PARP14: variants seen among roughly 807,000 people sequenced by gnomAD.
The protein encoded by PARP14 is protein mono-ADP-ribosyltransferase PARP14.
Under a neutral mutation model 154.2 loss-of-function variants are expected in PARP14, and 59 were observed. The observed-to-expected ratio is 0.38, with a 90% confidence interval of 0.31 to 0.48. The LOEUF (loss-of-function observed/expected upper bound fraction) is 0.48, where lower values mean the gene tolerates loss of function less well. Ranked by LOEUF, PARP14 falls within the 20% of genes least tolerant of loss-of-function variation. The probability of loss-of-function intolerance (pLI) is 0.98; values close to 1 mark genes in which losing one functional copy is unlikely to be tolerated. For synonymous variants in PARP14, 720 were observed against 780.5 expected (o/e 0.92, Z 1.29); for missense variants, 1,734 against 2,131.6 (o/e 0.81, Z 3.67).
At chr3:122,688,819 C>T (rs1256026544) in intron 3 of PARP14, among the ~76,000 whole-genome samples, 1 of 152,164 alleles carries the variant, frequency 6.6e-6, no homozygotes, top group East Asian at 1.9e-4. Context: ...GTGCAGAAGA[C>T]ATTGCACCAT....
chr3:122,714,539 A>G (rs1171189214), intron 12 of PARP14, 110 bp downstream of exon 12: 3 of 743,756 alleles, frequency 4.0e-6, no homozygotes, highest in Non-Finnish European at 6.3e-6. Flanking sequence ...GGCAGCAACC[A>G]TTAAGCTAGG....
chr3:122,707,457 G>A (rs146735626), intron 8 of PARP14, among the ~76,000 whole-genome samples: 145 of 150,856 alleles, frequency 9.6e-4, no homozygotes, highest in African/African-American at 3.0e-3. Flanking sequence ...AATATCCTTC[G>A]CTTTTATTTT....
intron 15 of PARP14, among the ~76,000 whole-genome samples, chr3:122,725,490 C>T (rs1164396279): frequency 6.6e-6 from 1 of 152,144 alleles, no homozygotes; most frequent in African/African-American, 2.4e-5. Context: ...GAAATTCTGG[C>T]TTTTAATAAT....
At chr3:122,710,121 G>T (rs1939277054) in intron 9 of PARP14, among the ~76,000 whole-genome samples, 1 of 152,048 alleles carries the variant, frequency 6.6e-6, no homozygotes, top group Non-Finnish European at 1.5e-5. Context: ...TCTTAGTCAT[G>T]AATTCTTTGC....
chr3:122,707,648 C>T (rs933345064), intron 8 of PARP14, among the ~76,000 whole-genome samples: 3 of 151,782 alleles, frequency 2.0e-5, no homozygotes, highest in South Asian at 2.1e-4. Flanking sequence ...AAACAAAAAA[C>T]GTAGCTGGGT....
chr3:122,697,233 C>T (rs954621546), intron 5 of PARP14, among the ~76,000 whole-genome samples: 6 of 152,200 alleles, frequency 3.9e-5, no homozygotes, highest in African/African-American at 1.2e-4. Context: ...GGATTATAGG[C>T]GTGAGTCACT....
chr3:122,708,972 T>C (rs1395195015), intron 9 of PARP14, among the ~76,000 whole-genome samples: 1 of 152,242 alleles, frequency 6.6e-6, no homozygotes, highest in Non-Finnish European at 1.5e-5. Flanking sequence ...CGTATGTGTA[T>C]GTTCTAAAAT....
chr3:122,692,871 G>C (rs1009283242), intron 4 of PARP14, among the ~76,000 whole-genome samples: 3 of 152,132 alleles, frequency 2.0e-5, no homozygotes, highest in Non-Finnish European at 2.9e-5. Flanking sequence ...CCAAGTACAG[G>C]AGTCGGCTTT....
chr3:122,720,528 A>C (rs1400885528), intron 15 of PARP14, 140 bp downstream of exon 15: 5 of 764,314 alleles, frequency 6.5e-6, no homozygotes, highest in Non-Finnish European at 1.1e-5. Flanking sequence ...TAGTAGTTCT[A>C]GATTCTACTC....
Position 122,685,272 on chromosome 3 carries a change from C to T in PARP14, c.275C>T (p.Thr92Ile), listed in dbSNP as rs756053145. 3 of 1,613,620 alleles carry T rather than the reference C, an allele frequency of 1.9e-6. No individual in the cohort carries two copies. Among genetic ancestry groups the T allele is most frequent in the South Asian group, 1.1e-5 (1 of 91,076 alleles). ...AAGTTAACTGTCCAGTTACCTGCAA[C>T]CCCAGATGAAATCGATCATGTCTTT... ...TFKLTVQLPA[T>I]PDEIDHVFEE... Residue 92 changes from threonine to isoleucine, a missense_variant, in exon 2 of 17, where the codon ACC (threonine) becomes ATC (isoleucine). Thr to Ile is a moderately conservative substitution (Grantham distance 89, BLOSUM62 -1). Around this residue, in one of 2 missense-constraint regions of PARP14, gnomAD observed 1,646 missense variants for 1,976.0 expected, o/e 0.83. Coordinates refer to ENST00000474629, the MANE Select transcript of PARP14 (RefSeq NM_017554.3).
chr3:122,702,578 G>T (rs1560065145), intron 6 of PARP14, among the ~76,000 whole-genome samples: 1 of 152,108 alleles, frequency 6.6e-6, no homozygotes, highest in Non-Finnish European at 1.5e-5. Flanking sequence ...CAGATTCTAG[G>T]ATTATTATTA....
chr3:122,718,583 C>T lies in PARP14; in HGVS notation c.4432C>T (p.Leu1478=), dbSNP rs367833851. ...AAAGGAGTATCAGGAGTTGAATGAGCTGCAGAAGAAGTTAAATATTAACAT... is the reference window on the plus strand; with the variant it reads ...AAAGGAGTATCAGGAGTTGAATGAGTTGCAGAAGAAGTTAAATATTAACAT... ...DEKEYQELNE[L]QKKLNINISL... Residue 1478 remains leucine, a synonymous_variant, in exon 14 of 17, where the codon CTG becomes TTG. Transcript: ENST00000474629. 100 of 1,613,762 alleles carry T rather than the reference C, an allele frequency of 6.2e-5. No individual in the cohort carries two copies. The Middle Eastern group carries it at 9.9e-4, about 16-fold the overall frequency.
In PARP14 at chr3:122,685,133, T is replaced by C. The variant is rs576106267; in HGVS notation, c.188-52T>C. Reference sequence around the variant, plus strand: ...CCACGGAAATCATAGAATAATTTTGTAAATAAAGATTGCTTGTCATTTGTC... The same window carrying C: ...CCACGGAAATCATAGAATAATTTTGCAAATAAAGATTGCTTGTCATTTGTC... On this transcript the variant is annotated intron_variant, in intron 1 of 16. Coordinates refer to ENST00000474629, the MANE Select transcript of PARP14 (RefSeq NM_017554.3). 5 of 1,598,836 alleles carry C rather than the reference T, an allele frequency of 3.1e-6. No homozygotes were observed. The East Asian group carries it at 1.1e-4, about 36-fold the overall frequency.
intron 6 of PARP14, among the ~76,000 whole-genome samples, chr3:122,703,014 AAAAAAAAAACAAAAAAC>A (rs1458452904): frequency 8.1e-4 from 80 of 99,246 alleles, no homozygotes; most frequent in Non-Finnish European, 1.4e-3. Context: ...AAAAAAACAA[AAAAAAAAAACAAAAAAC>A]AAAAAACAGT....
chr3:122,710,580 A>G (rs1939292985), intron 9 of PARP14, among the ~76,000 whole-genome samples: 1 of 151,834 alleles, frequency 6.6e-6, no homozygotes, highest in African/African-American at 2.4e-5. Flanking sequence ...TTTTTTTTCT[A>G]GTTCTGTGAA....
chr3:122,707,695 G>C (rs1939204211), intron 8 of PARP14, among the ~76,000 whole-genome samples: 1 of 152,134 alleles, frequency 6.6e-6, no homozygotes, highest in East Asian at 1.9e-4. Flanking sequence ...CTACTTGGGA[G>C]GCTGAGGTGG....
chr3:122,712,407 TAA>T (rs1336556230), intron 9 of PARP14, among the ~76,000 whole-genome samples: 1 of 151,964 alleles, frequency 6.6e-6, no homozygotes, highest in Non-Finnish European at 1.5e-5. Context: ...CACGCCCAGC[TAA>T]GTTTTGTATT....
In PARP14 at chr3:122,729,942, G is replaced by T. The variant is rs1560091075; in HGVS notation, c.*1345G>T. The T allele has an allele frequency of 2.0e-5, 3 of 152,298 alleles. No individual in the cohort carries two copies. Among genetic ancestry groups the T allele is most frequent in the Admixed American group, 6.5e-5 (1 of 15,304 alleles). The allele number at this position is 152,298 out of a possible 1,614,324, so 9.4% of individuals were successfully genotyped here. A position where few individuals can be genotyped will look rare whatever the true frequency, so the allele number is the denominator to read the frequency against. On this transcript the variant is annotated 3_prime_UTR_variant, in exon 17 of 17. Coordinates refer to ENST00000474629, the MANE Select transcript of PARP14 (RefSeq NM_017554.3). Reference sequence around the variant, plus strand: ...AAGTAAGCAGTCATATTGCTAATTTGCTAACTCCTATCTATTGAATGGTGA... The same window carrying T: ...AAGTAAGCAGTCATATTGCTAATTTTCTAACTCCTATCTATTGAATGGTGA...
chr3:122,702,175 G>T lies in PARP14; in HGVS notation c.3081+540G>T, dbSNP rs1259516445. ...TATGTGGGGACAATTCTTGTAGGCT[G>T]CAGGGGCATGGCAGGGGTTGGAGGG... On this transcript the variant is annotated intron_variant, in intron 6 of 16. Transcript: ENST00000474629. 2.0e-5 allele frequency among the ~76,000 whole-genome samples: 3 copies of T among 152,150 alleles called. No individual in the cohort carries two copies. In the East Asian group the frequency reaches 5.8e-4, roughly 29 times the overall value.
Sources: allele counts gnomAD v4.1 joint callset (sites outside exome capture counted in the v4.1 genomes callset), GRCh38; gene constraint gnomAD v4.1.1; regional missense constraint gnomAD v4.1.1; transcripts MANE v1.5; gene names NCBI Gene and HGNC (gene_info 2026-07-23, HGNC 2026-07-21).